The following TMTC3 variants were observed in gnomAD, a reference collection of about 807,000 sequenced individuals.
TMTC3 encodes transmembrane O-mannosyltransferase targeting cadherins 3.
In TMTC3, 52 loss-of-function variants were observed where a neutral mutation model predicts 92.2. That is an observed-to-expected ratio of 0.56 (90% confidence interval 0.45 to 0.71). The LOEUF is 0.71. Ranked by LOEUF, TMTC3 falls within the 30% of genes least tolerant of loss-of-function variation. The pLI is 0.00. For missense variants in TMTC3, 896 were observed against 1,057.1 expected (o/e 0.85, Z 2.11); for synonymous variants, 339 against 363.3 (o/e 0.93, Z 0.76).
At chr12:88,157,112 A>C (rs1208553198) in intron 4 of TMTC3, among the ~76,000 whole-genome samples, 1 of 152,088 alleles carries the variant, frequency 6.6e-6, no homozygotes, top group African/African-American at 2.4e-5. Context: ...ATTTCCTAAA[A>C]TGATTCCTAG....
chr12:88,191,626 A>G (rs948001790), intron 12 of TMTC3, among the ~76,000 whole-genome samples: 1 of 152,188 alleles, frequency 6.6e-6, no homozygotes, highest in Admixed American at 6.5e-5. Context: ...CTGGTCCTCA[A>G]TTCTAAGTGT....
intron 10 of TMTC3, among the ~76,000 whole-genome samples, chr12:88,179,234 A>G (rs1445817043): frequency 6.6e-6 from 1 of 151,934 alleles, no homozygotes; most frequent in Non-Finnish European, 1.5e-5. Flanking sequence ...TTCTTCCTAG[A>G]TGGGTTTGAC....
In TMTC3 at chr12:88,174,737, T is replaced by G; in HGVS notation, c.1320+10T>G. 1 of 1,611,090 alleles carries G rather than the reference T, an allele frequency of 6.2e-7. No individual in the cohort carries two copies. The highest frequency in any genetic ancestry group is 8.5e-7 in the Non-Finnish European group (1 of 1,178,530). On this transcript the variant is annotated intron_variant, in intron 9 of 13. Transcript: ENST00000266712. ...TATGTCAGCCTTGAAGGTAAAGTGT[T>G]GTTCAGAATGACAGGAAAGTATGTC... is the stretch of plus-strand genomic sequence containing the variant.
intron 4 of TMTC3, 98 bp downstream of exon 4, chr12:88,154,485 C>T: frequency 1.5e-6 from 1 of 669,140 alleles, no homozygotes; most frequent in Non-Finnish European, 2.4e-6. Context: ...TTATATACCA[C>T]ATTTGGGATT....
intron 8 of TMTC3, among the ~76,000 whole-genome samples, chr12:88,173,622 A>T (rs891508707): frequency 7.2e-5 from 11 of 152,024 alleles, no homozygotes; most frequent in African/African-American, 2.4e-4. Context: ...TTCACACCGC[A>T]TGTGTTCCAC....
chr12:88,172,779 T>C, intron 8 of TMTC3, 34 bp downstream of exon 8: 1 of 1,576,322 alleles, frequency 6.3e-7, no homozygotes. Flanking sequence ...TAATGCTTAC[T>C]ATGGAATTAA....
chr12:88,184,409 A>C (rs1276200711), intron 10 of TMTC3, among the ~76,000 whole-genome samples: 6 of 152,240 alleles, frequency 3.9e-5, no homozygotes, highest in Non-Finnish European at 7.3e-5. Context: ...TGATAAGAGA[A>C]TCTGGCGGCC....
At chr12:88,154,267 C>T (rs1238495736) in intron 3 of TMTC3, 21 bp from the exon 4 acceptor site, 2 of 1,492,694 alleles carry the variant, frequency 1.3e-6, no homozygotes, top group Non-Finnish European at 1.8e-6. Flanking sequence ...AATATGAACC[C>T]CCTTCATTTT....
In TMTC3 at chr12:88,148,606, T is replaced by TA. The variant is rs987026967; in HGVS notation, c.189+103dup. The TA allele has an allele frequency of 1.5e-4, 128 of 864,882 alleles. 2 individuals carry two copies. In the African/African-American group the frequency reaches 2.1e-3, roughly 14 times the overall value. The allele number at this position is 864,882 out of a possible 1,614,324, so 53.6% of individuals were successfully genotyped here. ...TTATCAACATTATCATCACAACAGTTACAGATTTTTAACCCTAAAATGTTT... is the reference window on the plus strand; with the variant it reads ...TTATCAACATTATCATCACAACAGTTAACAGATTTTTAACCCTAAAATGTTT... On this transcript the variant is annotated intron_variant, in intron 2 of 13. Coordinates refer to ENST00000266712, the MANE Select transcript of TMTC3 (RefSeq NM_181783.4).
At chr12:88,164,225 T>C (rs902576843) in intron 6 of TMTC3, among the ~76,000 whole-genome samples, 1 of 151,222 alleles carries the variant, frequency 6.6e-6, no homozygotes, top group Non-Finnish European at 1.5e-5. Context: ...CTCATCAATA[T>C]TGAAAACTGG....
chr12:88,148,369 C>G lies in TMTC3; in HGVS notation c.54C>G (p.Ala18=), dbSNP rs775511724. ...CCTTAATAGTAGGTGTGGTTACTGC[C>G]TGCTATTGGAACAGCCTCTTTTGTG... ...EITLIVGVVT[A]CYWNSLFCGF... The change falls in exon 2 of 14, where the codon GCC becomes GCG. Residue 18 remains alanine (A), a synonymous_variant. Coordinates refer to ENST00000266712, the MANE Select transcript of TMTC3 (RefSeq NM_181783.4). 6 of 1,613,384 alleles carry G rather than the reference C, an allele frequency of 3.7e-6. No individual in the cohort carries two copies. Among genetic ancestry groups the G allele is most frequent in the Non-Finnish European group, 5.1e-6 (6 of 1,179,688 alleles).
chr12:88,147,777 A>T (rs1416921197), intron 1 of TMTC3, among the ~76,000 whole-genome samples: 1 of 151,982 alleles, frequency 6.6e-6, no homozygotes, highest in Non-Finnish European at 1.5e-5. Flanking sequence ...TGAAAAAAAA[A>T]AGATTTTTGA....
At chr12:88,170,795 G>T (rs1415654026) in intron 7 of TMTC3, among the ~76,000 whole-genome samples, 1 of 152,124 alleles carries the variant, frequency 6.6e-6, no homozygotes, top group Non-Finnish European at 1.5e-5. Context: ...CATAGAAACA[G>T]ATTTCCTAAT....
In TMTC3 at chr12:88,153,452, C is replaced by T. The variant is rs2040968053; in HGVS notation, c.351C>T (p.Asn117=). The T allele has an allele frequency of 6.2e-7, 1 of 1,613,496 alleles. No homozygotes were observed. Among genetic ancestry groups the T allele is most frequent in the Non-Finnish European group, 8.5e-7 (1 of 1,179,726 alleles). ...FLKVCKLFLD[N]KSSVIASLLF... is the part of the protein sequence containing the mutation. ...AAGTATGCAAACTTTTTCTGGACAA[C>T]AAGAGTAGTGTGATTGCTTCTTTAC... Residue 117 remains asparagine (N), a synonymous_variant, in exon 3 of 14, where the codon AAC becomes AAT. Transcript: ENST00000266712.
At chr12:88,173,982 A>G (rs2041232171) in intron 8 of TMTC3, among the ~76,000 whole-genome samples, 1 of 152,130 alleles carries the variant, frequency 6.6e-6, no homozygotes, top group South Asian at 2.1e-4. Flanking sequence ...AAATTAAACC[A>G]TGTTACAGGA....
intron 8 of TMTC3, 24 bp from the exon 9 acceptor site, chr12:88,174,583 T>G: frequency 1.9e-6 from 3 of 1,588,958 alleles, no homozygotes; most frequent in Non-Finnish European, 2.6e-6. Context: ...ATTTTTTTTG[T>G]TTTGCTTTTT....
intron 10 of TMTC3, among the ~76,000 whole-genome samples, chr12:88,182,891 G>C (rs897465786): frequency 6.6e-6 from 1 of 152,120 alleles, no homozygotes; most frequent in African/African-American, 2.4e-5. Context: ...TCTGCAAGGG[G>C]AATAGTACAA....
chr12:88,150,110 T>C (rs577268226), intron 2 of TMTC3, among the ~76,000 whole-genome samples: 320 of 152,322 alleles, frequency 2.1e-3, no homozygotes, highest in Non-Finnish European at 3.6e-3. Flanking sequence ...AGAGGTTTTA[T>C]TGGCTCACAG....
At chr12:88,178,508 T>A (rs1403510338) in intron 10 of TMTC3, among the ~76,000 whole-genome samples, 1 of 152,038 alleles carries the variant, frequency 6.6e-6, no homozygotes, top group Non-Finnish European at 1.5e-5. Context: ...TTTCCTATAT[T>A]TGTAATTTTC....
Sources: allele counts gnomAD v4.1 joint callset (sites outside exome capture counted in the v4.1 genomes callset), GRCh38; gene constraint gnomAD v4.1.1; transcripts MANE v1.5; gene names NCBI Gene and HGNC (gene_info 2026-07-23, HGNC 2026-07-21).